Variants in SCMH1 observed in about 807,000 individuals in gnomAD.
The protein encoded by SCMH1 is polycomb protein SCMH1.
Under a neutral mutation model 70.8 loss-of-function variants are expected in SCMH1, and 37 were observed. That is an observed-to-expected ratio of 0.52 (90% CI 0.40 to 0.69). SCMH1 has a LOEUF of 0.69. SCMH1 is among the 30% of genes least tolerant of loss of function. The pLI is 0.00. For synonymous variants in SCMH1, 292 were observed against 307.4 expected (o/e 0.95, Z 0.52); for missense variants, 607 against 827.3 (o/e 0.73, Z 3.27).
intron 8 of SCMH1, among the ~76,000 whole-genome samples, chr1:41,082,443 G>A (rs1313641257): frequency 6.6e-6 from 1 of 152,064 alleles, no homozygotes; most frequent in Non-Finnish European, 1.5e-5. Flanking sequence ...TTTCAACCCA[G>A]GATTTCATAT....
chr1:41,202,194 C>G (rs1014773748), intron 1 of SCMH1, among the ~76,000 whole-genome samples: 11 of 152,000 alleles, frequency 7.2e-5, no homozygotes, highest in African/African-American at 2.7e-4. Flanking sequence ...CACGACCACG[C>G]CCGGCTAATT....
intron 6 of SCMH1, among the ~76,000 whole-genome samples, chr1:41,142,134 T>A (rs1465575814): frequency 6.6e-6 from 1 of 152,204 alleles, no homozygotes; most frequent in African/African-American, 2.4e-5. Context: ...TTACAAATTT[T>A]TTTTTAATGG....
chr1:41,231,267 C>T (rs1255463793), intron 1 of SCMH1, among the ~76,000 whole-genome samples: 2 of 152,202 alleles, frequency 1.3e-5, no homozygotes, highest in African/African-American at 4.8e-5. Context: ...TATCAACAAA[C>T]TGCAGTTTGT....
chr1:41,148,377 A>G (rs1392421145), intron 5 of SCMH1, among the ~76,000 whole-genome samples: 1 of 152,082 alleles, frequency 6.6e-6, no homozygotes, highest in Non-Finnish European at 1.5e-5. Context: ...ATTTCATTTG[A>G]TATCATTTTC....
intron 13 of SCMH1, among the ~76,000 whole-genome samples, chr1:41,031,267 G>A (rs544856134): frequency 2.1e-4 from 32 of 152,214 alleles, no homozygotes; most frequent in African/African-American, 7.7e-4. Flanking sequence ...TCCAGCCTGG[G>A]TGACAGAGTA....
At chr1:41,199,274 A>G (rs1426123618) in intron 1 of SCMH1, among the ~76,000 whole-genome samples, 1 of 152,174 alleles carries the variant, frequency 6.6e-6, no homozygotes, top group Admixed American at 6.5e-5. Context: ...TAGCACCCCA[A>G]TAAATATCCC....
intron 10 of SCMH1, among the ~76,000 whole-genome samples, chr1:41,050,954 G>A (rs369296158): frequency 2.0e-5 from 3 of 152,218 alleles, no homozygotes; most frequent in African/African-American, 7.2e-5. Flanking sequence ...AAAAATGCAG[G>A]AATCCAGAGA....
chr1:41,077,836 TTTAATATA>T (rs1262342263), intron 8 of SCMH1, among the ~76,000 whole-genome samples: 7 of 152,194 alleles, frequency 4.6e-5, no homozygotes, highest in African/African-American at 1.7e-4. Context: ...CAATAGTTCT[TTTAATATA>T]AAACGTTTGG....
chr1:41,097,855 C>G (rs1395874089), intron 8 of SCMH1, among the ~76,000 whole-genome samples: 2 of 152,208 alleles, frequency 1.3e-5, no homozygotes, highest in Non-Finnish European at 2.9e-5. Context: ...CTTCAATAGT[C>G]TCTTTGTAAT....
At chr1:41,201,097 T>A (rs1229497367) in intron 1 of SCMH1, among the ~76,000 whole-genome samples, 2 of 152,184 alleles carry the variant, frequency 1.3e-5, no homozygotes, top group Non-Finnish European at 2.9e-5. Context: ...ATAGATTAGA[T>A]CCTCAACTAC....
At chr1:41,218,641 AC>A (rs766206604) in intron 1 of SCMH1, among the ~76,000 whole-genome samples, 1 of 152,204 alleles carries the variant, frequency 6.6e-6, no homozygotes, top group Non-Finnish European at 1.5e-5. Context: ...TGTTACAGCA[AC>A]CCTAGGAAAC....
At chr1:41,127,725 T>C (rs929796792) in intron 6 of SCMH1, among the ~76,000 whole-genome samples, 1 of 152,122 alleles carries the variant, frequency 6.6e-6, no homozygotes, top group Non-Finnish European at 1.5e-5. Flanking sequence ...AGTCACGGGG[T>C]AGAGCCCTTA....
At chr1:41,059,675 A>G (rs1000390353) in intron 10 of SCMH1, among the ~76,000 whole-genome samples, 1 of 152,238 alleles carries the variant, frequency 6.6e-6, no homozygotes, top group Non-Finnish European at 1.5e-5. Context: ...CCATCTGTAG[A>G]TGGCAGAGCT....
intron 6 of SCMH1, among the ~76,000 whole-genome samples, chr1:41,136,297 C>G (rs1165386187): frequency 6.6e-6 from 1 of 151,958 alleles, no homozygotes; most frequent in Non-Finnish European, 1.5e-5. Flanking sequence ...TTAATTTTGA[C>G]AAATAGTATT....
intron 1 of SCMH1, among the ~76,000 whole-genome samples, chr1:41,235,569 TAAAAA>T (rs61093555): frequency 3.0e-4 from 13 of 43,086 alleles, no homozygotes; most frequent in African/African-American, 6.9e-4. Flanking sequence ...AGACTCCGTC[TAAAAA>T]AAAAAAAAAA....
intron 10 of SCMH1, among the ~76,000 whole-genome samples, chr1:41,065,185 A>G (rs1258383167): frequency 6.6e-6 from 1 of 152,200 alleles, no homozygotes; most frequent in Non-Finnish European, 1.5e-5. Flanking sequence ...TTTTGTAGAC[A>G]GCAACAAATT....
At chr1:41,225,403 T>C (rs1660068803) in intron 1 of SCMH1, among the ~76,000 whole-genome samples, 1 of 152,184 alleles carries the variant, frequency 6.6e-6, no homozygotes. Context: ...TGTACAAATA[T>C]TGATGACTTT....
intron 1 of SCMH1, among the ~76,000 whole-genome samples, chr1:41,196,765 C>A (rs111791020): frequency 7.2e-5 from 11 of 152,248 alleles, no homozygotes; most frequent in Admixed American, 2.0e-4. Flanking sequence ...AAAAGACAGT[C>A]CACAGAATCG....
At chr1:41,134,241 T>A (rs1034700655) in intron 6 of SCMH1, among the ~76,000 whole-genome samples, 1 of 152,190 alleles carries the variant, frequency 6.6e-6, no homozygotes, top group East Asian at 1.9e-4. Flanking sequence ...CAGCACTTCA[T>A]GCTAAAAACT....
Sources: gnomAD v4.1 joint callset for allele counts (sites outside exome capture counted in the v4.1 genomes callset) on GRCh38, gnomAD v4.1.1 for gene constraint, MANE v1.5 for transcripts, NCBI Gene and HGNC (gene_info 2026-07-23, HGNC 2026-07-21) for gene names.